PNO1: variants seen among roughly 807,000 people sequenced by gnomAD.
PNO1 encodes the protein partner of NOB1 homolog, also known as RNA-binding protein PNO1.
Under a neutral mutation model 28.4 loss-of-function variants are expected in PNO1, and 16 were observed. That is an observed-to-expected ratio of 0.56 (90% confidence interval 0.38 to 0.85). PNO1 has a LOEUF of 0.85. Ranked by LOEUF, PNO1 falls within the 40% of genes least tolerant of loss-of-function variation. The pLI is 0.00. For synonymous variants in PNO1, 115 were observed against 110.8 expected, an observed-to-expected ratio of 1.04 and a Z score of -0.24; for missense variants, 304 against 312.2, an observed-to-expected ratio of 0.97 and a Z score of 0.20.
chr2:68,162,370 T>C (rs1175310743), intron 4 of PNO1, 45 bp downstream of exon 4: 1 of 1,449,528 alleles, frequency 6.9e-7, no homozygotes, highest in Non-Finnish European at 9.6e-7. Context: ...GACTTTGTAT[T>C]GTGATGTGAC....
intron 5 of PNO1, among the ~76,000 whole-genome samples, chr2:68,163,131 A>G (rs986338393): frequency 1.3e-5 from 2 of 152,250 alleles, no homozygotes; most frequent in Admixed American, 1.3e-4. Context: ...GATGGTCACC[A>G]ACTTTGAAAG....
chr2:68,168,921 CTTTTTTTTTTTTT>C (rs57701897), intron 5 of PNO1, among the ~76,000 whole-genome samples: 1 of 72,484 alleles, frequency 1.4e-5, no homozygotes, highest in Non-Finnish European at 2.4e-5. Context: ...CAGCTTTTTT[CTTTTTTTTTTTTT>C]TTTTTTTTTT....
chr2:68,170,390 C>T (rs1016128500), intron 5 of PNO1, among the ~76,000 whole-genome samples: 1 of 152,086 alleles, frequency 6.6e-6, no homozygotes, highest in African/African-American at 2.4e-5. Flanking sequence ...GTCTTTATTT[C>T]CTCATCTGTC....
At chr2:68,161,213 A>G in intron 2 of PNO1, 1 of 471,220 alleles carries the variant, frequency 2.1e-6, no homozygotes, top group South Asian at 1.5e-5. Context: ...TTCCCCAATC[A>G]GTGCATGCAG....
intron 5 of PNO1, among the ~76,000 whole-genome samples, chr2:68,168,153 G>A (rs1179169724): frequency 2.6e-5 from 4 of 152,184 alleles, no homozygotes; most frequent in African/African-American, 9.7e-5. Flanking sequence ...TGCTGAATGC[G>A]TTGGCCAAGT....
intron 5 of PNO1, among the ~76,000 whole-genome samples, chr2:68,171,844 G>A (rs1230235596): frequency 3.3e-5 from 5 of 152,162 alleles, no homozygotes; most frequent in African/African-American, 1.2e-4. Flanking sequence ...GGGATGTGAG[G>A]GGGCGAAGGG....
At chr2:68,174,288 GTTTTTTT>G (rs34323809) in intron 6 of PNO1, among the ~76,000 whole-genome samples, 1 of 106,800 alleles carries the variant, frequency 9.4e-6, no homozygotes, top group Non-Finnish European at 1.8e-5. Flanking sequence ...TTCTGTTAAG[GTTTTTTT>G]TTTTTTTTTT....
chr2:68,169,180 C>T (rs563918929), intron 5 of PNO1, among the ~76,000 whole-genome samples: 8 of 152,158 alleles, frequency 5.3e-5, no homozygotes, highest in Admixed American at 4.6e-4. Flanking sequence ...CCACCCGCCT[C>T]GGGCTCCCAA....
chr2:68,164,293 T>C (rs1192407587), intron 5 of PNO1, among the ~76,000 whole-genome samples: 1 of 151,984 alleles, frequency 6.6e-6, no homozygotes, highest in African/African-American at 2.4e-5. Flanking sequence ...AGTCTGAGAC[T>C]AGCCTGGGCA....
intron 2 of PNO1, among the ~76,000 whole-genome samples, chr2:68,159,190 CTG>C (rs560171983): frequency 3.1e-4 from 47 of 151,964 alleles, no homozygotes; most frequent in Non-Finnish European, 5.7e-4. Flanking sequence ...CAGTGCATGA[CTG>C]TGTTTTAATG....
intron 5 of PNO1, among the ~76,000 whole-genome samples, chr2:68,163,955 A>G (rs12713631): frequency 0.29 from 43,361 of 152,030 alleles, 6,951 homozygotes; most frequent in African/African-American, 0.43. Context: ...TAAATTCTGA[A>G]ATAATTTCAT....
intron 5 of PNO1, among the ~76,000 whole-genome samples, chr2:68,170,194 C>G (rs1157431043): frequency 1.3e-5 from 2 of 152,146 alleles, no homozygotes; most frequent in African/African-American, 4.8e-5. Flanking sequence ...TGCCAATAAC[C>G]TGGCAAAATA....
intron 5 of PNO1, among the ~76,000 whole-genome samples, chr2:68,168,571 A>T (rs1674050426): frequency 1.3e-5 from 2 of 152,208 alleles, no homozygotes. Flanking sequence ...GAGAAAAAAA[A>T]ATATCCTGTG....
intron 2 of PNO1, among the ~76,000 whole-genome samples, chr2:68,159,650 A>G (rs1441808480): frequency 6.6e-6 from 1 of 152,214 alleles, no homozygotes; most frequent in East Asian, 1.9e-4. Flanking sequence ...TTCTTTTACC[A>G]TCATCCGGAC....
rs1673861663 is a variant in PNO1, at chr2:68,162,533, T to C, written c.503-13T>C. On this transcript the variant is annotated splice_polypyrimidine_tract_variant and intron_variant, in intron 4 of 6. Coordinates refer to ENST00000263657, the MANE Select transcript of PNO1 (RefSeq NM_020143.4). ...AATGGCTTGCCTCCTGAGATCTTGC[T>C]TTTCTTGTTTAGTTAAACCCCTAAA... The C allele has an allele frequency of 1.9e-6, 3 of 1,574,896 alleles. No individual in the cohort carries two copies. The highest frequency in any genetic ancestry group is 1.7e-4 in the Middle Eastern group (1 of 6,018).
chr2:68,169,861 A>C (rs1416913681), intron 5 of PNO1, among the ~76,000 whole-genome samples: 1 of 152,156 alleles, frequency 6.6e-6, no homozygotes, highest in Non-Finnish European at 1.5e-5. Flanking sequence ...GTTGAAAAAA[A>C]TTTGTGTGTA....
In PNO1 at chr2:68,175,191, T is replaced by C. The variant is rs1410177799; in HGVS notation, c.*389T>C. 1 of 154,262 alleles carries C rather than the reference T, an allele frequency of 6.5e-6. No individual in the cohort carries two copies. Among genetic ancestry groups the C allele is most frequent in the Admixed American group, 6.5e-5 (1 of 15,458 alleles). 9.6% of individuals were successfully genotyped at this position (154,262 alleles called of 1,614,324 possible). A position where few individuals can be genotyped will look rare whatever the true frequency, so the allele number is the denominator to read the frequency against. ...AATTTATAAACATTTCTTTATAAAT[T>C]GTAATTTAATAGATTATCTCAGAAA... On this transcript the variant is annotated 3_prime_UTR_variant, in exon 7 of 7. Coordinates refer to ENST00000263657, the MANE Select transcript of PNO1 (RefSeq NM_020143.4).
At chr2:68,165,750 G>A (rs1673979950) in intron 5 of PNO1, among the ~76,000 whole-genome samples, 1 of 152,034 alleles carries the variant, frequency 6.6e-6, no homozygotes. Context: ...CTGTCATTAA[G>A]TTTATTACTG....
chr2:68,174,531 T>C (rs1674222030), intron 6 of PNO1, among the ~76,000 whole-genome samples: 1 of 152,166 alleles, frequency 6.6e-6, no homozygotes, highest in African/African-American at 2.4e-5. Flanking sequence ...TATTAGGTAT[T>C]ATAAGTAATC....
Sources: gnomAD v4.1 joint callset for allele counts (sites outside exome capture counted in the v4.1 genomes callset) on GRCh38, gnomAD v4.1.1 for gene constraint, MANE v1.5 for transcripts, NCBI Gene and HGNC (gene_info 2026-07-23, HGNC 2026-07-21) for gene names.